Variants in XPO5 observed in about 807,000 individuals in gnomAD.
XPO5 encodes exportin 5.
Under a neutral mutation model 160.6 loss-of-function variants are expected in XPO5, and 46 were observed. The ratio of observed to expected loss-of-function variants is 0.29; its 90% CI spans 0.23 to 0.37. XPO5 has a LOEUF of 0.37. XPO5 is among the 10% of genes least tolerant of loss of function. The probability of loss-of-function intolerance (pLI) is 1.00; values close to 1 mark genes in which losing one functional copy is unlikely to be tolerated. For synonymous variants in XPO5, 537 were observed against 519.3 expected, an observed-to-expected ratio of 1.03 and a Z score of -0.46; for missense variants, 1,090 against 1,463.9, an observed-to-expected ratio of 0.74 and a Z score of 4.17.
chr6:43,570,399 G>T (rs1016595458), intron 5 of XPO5, 103 bp downstream of exon 5: 1 of 931,472 alleles, frequency 1.1e-6, no homozygotes, highest in Non-Finnish European at 1.5e-6. Context: ...TATAAAATAG[G>T]ATTTCATTTT....
intron 18 of XPO5, 45 bp from the exon 19 acceptor site, chr6:43,547,752 C>G: frequency 6.4e-7 from 1 of 1,568,046 alleles, no homozygotes; most frequent in Non-Finnish European, 8.8e-7. Flanking sequence ...TGACTTTAAA[C>G]AAGGACAGTT....
In XPO5 at chr6:43,535,880, AG is replaced by A. The variant is rs537680932; in HGVS notation, c.2343-1874del. ...GCTCACGCCTGTAATCCCAGCACTT[AG>A]GGAGGCCAAGGCCGGAGAATCACCT... is the stretch of plus-strand genomic sequence containing the variant. On this transcript the variant is annotated intron_variant, in intron 20 of 31. Transcript: ENST00000265351. Among the ~76,000 whole-genome samples, 304 of 148,596 alleles carry A rather than the reference AG, an allele frequency of 2.0e-3. 1 individual carries two copies. Among genetic ancestry groups the A allele is most frequent in the Non-Finnish European group, 3.6e-3 (243 of 67,260 alleles).
chr6:43,528,522 A>G (rs1416788436), intron 24 of XPO5, among the ~76,000 whole-genome samples: 2 of 152,190 alleles, frequency 1.3e-5, no homozygotes, highest in African/African-American at 2.4e-5. Flanking sequence ...TAGAGTAAGG[A>G]TAACAGACCC....
chr6:43,551,360 C>T lies in XPO5; in HGVS notation c.1666G>A (p.Val556Ile), dbSNP rs762466229. ...PLILSCVLTNVSALFPFVTYR... is the reference protein window; with the variant it reads ...PLILSCVLTNISALFPFVTYR... ...GTGACAAATGGAAAGAGTGCAGAGA[C>T]ATTAGTAAGGACGCAGGACAGGATG... Residue 556 changes from valine to isoleucine, a missense_variant, in exon 15 of 32, where the codon GTC becomes ATC. By Grantham distance (29) the Val-to-Ile change is conservative. Coordinates refer to ENST00000265351, the MANE Select transcript of XPO5 (RefSeq NM_020750.3). 41 of 1,613,826 alleles carry T rather than the reference C, an allele frequency of 2.5e-5. No individual in the cohort carries two copies. Among genetic ancestry groups the T allele is most frequent in the Non-Finnish European group, 3.1e-5 (37 of 1,179,872 alleles).
intron 20 of XPO5, among the ~76,000 whole-genome samples, chr6:43,545,234 T>C (rs1406800921): frequency 6.6e-6 from 1 of 152,102 alleles, no homozygotes; most frequent in Non-Finnish European, 1.5e-5. Flanking sequence ...ACTCCAGCCC[T>C]CCAATTTGTC....
intron 18 of XPO5, 64 bp from the exon 19 acceptor site, chr6:43,547,771 AG>A: frequency 7.2e-7 from 1 of 1,396,748 alleles, no homozygotes; most frequent in South Asian, 1.2e-5. Context: ...TTTCTTCCAC[AG>A]GAGTTAACAG....
chr6:43,572,420 G>T, intron 3 of XPO5, 86 bp downstream of exon 3: 1 of 1,353,980 alleles, frequency 7.4e-7, no homozygotes, highest in Non-Finnish European at 1.1e-6. Context: ...TAGAAGCAGT[G>T]AATTTTTACA....
Position 43,533,947 on chromosome 6 carries a change from C to T in XPO5, c.2403G>A (p.Lys801=). The T allele has an allele frequency of 6.2e-7, 1 of 1,607,612 alleles. No homozygotes were observed. Residue 801 remains lysine (K), a synonymous_variant, in exon 21 of 32, where the codon AAG becomes AAA. Coordinates refer to ENST00000265351, the MANE Select transcript of XPO5 (RefSeq NM_020750.3). ...MLAKMAEPFT[K]ALDMLDAEKS... is the part of the protein sequence containing the mutation. ...TTTCCGCGTCAAGCATATCCAGAGC[C>T]TTGGTGAAAGGCTCTGCCATTTTGG...
chr6:43,573,317 T>C, intron 2 of XPO5, 163 bp downstream of exon 2: 1 of 921,638 alleles, frequency 1.1e-6, no homozygotes, highest in Non-Finnish European at 1.6e-6. Context: ...AGGTTAAATC[T>C]TGAATGAGAG....
chr6:43,568,078 G>A (rs1165019136), intron 6 of XPO5, among the ~76,000 whole-genome samples: 1 of 151,946 alleles, frequency 6.6e-6, no homozygotes, highest in Non-Finnish European at 1.5e-5. Flanking sequence ...GGAAGCTGAG[G>A]AGGGCGGATG....
intron 20 of XPO5, among the ~76,000 whole-genome samples, chr6:43,535,319 G>A (rs1385981760): frequency 2.0e-5 from 3 of 151,978 alleles, no homozygotes; most frequent in African/African-American, 7.3e-5. Flanking sequence ...GCTGGGCCCA[G>A]TGGCTCACGC....
At chr6:43,563,350 G>A (rs1290604211) in intron 8 of XPO5, among the ~76,000 whole-genome samples, 1 of 152,108 alleles carries the variant, frequency 6.6e-6, no homozygotes, top group Non-Finnish European at 1.5e-5. Flanking sequence ...GCCCAGACTG[G>A]TCTTGAACTT....
Position 43,551,145 on chromosome 6 carries a change from A to C in XPO5, c.1728+153T>G, listed in dbSNP as rs562652342. The stretch of plus-strand genomic sequence containing the variant: ...GTTGTGCATGCTTGTAGTCTCAGCT[A>C]CTCAGAAGGGTGAGGTGTGAGGATC... On this transcript the variant is annotated intron_variant, in intron 15 of 31. Coordinates refer to ENST00000265351, the MANE Select transcript of XPO5 (RefSeq NM_020750.3). 1.2e-4 allele frequency: 83 copies of C among 692,428 alleles called. 1 individual carries two copies. The African/African-American group carries it at 1.3e-3, about 11-fold the overall frequency. 42.9% of individuals were successfully genotyped at this position (692,428 alleles called of 1,614,324 possible).
intron 2 of XPO5, among the ~76,000 whole-genome samples, chr6:43,573,109 A>G (rs1204766033): frequency 2.6e-5 from 4 of 152,226 alleles, no homozygotes; most frequent in African/African-American, 9.7e-5. Context: ...AAACTCAGAA[A>G]GACAGAGAGA....
Position 43,532,142 on chromosome 6 carries a change from G to A in XPO5, c.2444-567C>T, listed in dbSNP as rs151290389. Among the ~76,000 whole-genome samples, 697 of 152,252 alleles carry A rather than the reference G, an allele frequency of 4.6e-3. 2 individuals carry two copies. The highest frequency in any genetic ancestry group is 0.017 in the Middle Eastern group (5 of 294). Reference sequence around the variant, plus strand: ...CCTGACTTAACTTGAATAATGGCATGGGGGTGTGTGGTAAGCAACACCTAC... The same window carrying A: ...CCTGACTTAACTTGAATAATGGCATAGGGGTGTGTGGTAAGCAACACCTAC... On this transcript the variant is annotated intron_variant, in intron 21 of 31. Coordinates refer to ENST00000265351, the MANE Select transcript of XPO5 (RefSeq NM_020750.3).
At chr6:43,556,708 C>A in intron 12 of XPO5, among the ~76,000 whole-genome samples, 1 of 151,912 alleles carries the variant, frequency 6.6e-6, no homozygotes. Flanking sequence ...CTAAACAAAA[C>A]CTTGTATATA....
At chr6:43,524,398 G>A in intron 31 of XPO5, 73 bp downstream of exon 31, 1 of 1,495,156 alleles carries the variant, frequency 6.7e-7, no homozygotes, top group South Asian at 1.3e-5. Flanking sequence ...AATAACTACA[G>A]CTGGTTTATG....
At chr6:43,533,884 A>C in intron 21 of XPO5, 23 bp downstream of exon 21, 1 of 1,546,766 alleles carries the variant, frequency 6.5e-7, no homozygotes, top group Non-Finnish European at 8.9e-7. Context: ...AAACCTTAGG[A>C]GAAAAAAGGT....
At chr6:43,531,839 A>G (rs1333717502) in intron 21 of XPO5, among the ~76,000 whole-genome samples, 2 of 152,134 alleles carry the variant, frequency 1.3e-5, no homozygotes, top group African/African-American at 4.8e-5. Context: ...AAAAAAAGTG[A>G]CAACTCAAAA....
Sources: allele counts gnomAD v4.1 joint callset (sites outside exome capture counted in the v4.1 genomes callset), GRCh38; gene constraint gnomAD v4.1.1; transcripts MANE v1.5; gene names NCBI Gene and HGNC (gene_info 2026-07-23, HGNC 2026-07-21).